ZCCHC14: variants seen among roughly 807,000 people sequenced by gnomAD.
The protein encoded by ZCCHC14 is zinc finger CCHC-type containing 14.
A neutral mutation model predicts 85.0 loss-of-function variants in ZCCHC14; 16 were observed. That is an observed-to-expected ratio of 0.19 (90% CI 0.13 to 0.29). ZCCHC14 has a LOEUF of 0.29. ZCCHC14 is among the 10% of genes least tolerant of loss of function. The probability of loss-of-function intolerance (pLI) is 1.00; values close to 1 mark genes in which losing one functional copy is unlikely to be tolerated. For missense variants in ZCCHC14, 1,303 were observed against 1,443.5 expected (o/e 0.90, Z 1.58); for synonymous variants, 775 against 630.7 (o/e 1.23, Z -3.43).
intron 2 of ZCCHC14, among the ~76,000 whole-genome samples, chr16:87,449,614 G>A (rs1197766452): frequency 2.6e-5 from 4 of 152,040 alleles, no homozygotes; most frequent in African/African-American, 9.7e-5. Context: ...TCTTTAATTT[G>A]CTTTCAAGGT....
At position 87,406,369 on chromosome 16, in the gene ZCCHC14, T is replaced by C. The variant is rs1005820555; in HGVS notation, c.*3911A>G. Reference sequence around the variant, plus strand: ...CATAAAAACCCCAAAAACAGAATACTTGACATTTACAATTCAAAATCAAAT... The same window carrying C: ...CATAAAAACCCCAAAAACAGAATACCTGACATTTACAATTCAAAATCAAAT... On this transcript the variant is annotated 3_prime_UTR_variant, in exon 13 of 13. Coordinates refer to ENST00000671377, the MANE Select transcript of ZCCHC14 (RefSeq NM_015144.3). The C allele has an allele frequency of 1.3e-5, 2 of 152,630 alleles. No individual in the cohort carries two copies. The highest frequency in any genetic ancestry group is 4.8e-5 in the African/African-American group (2 of 41,450). 9.5% of individuals were successfully genotyped at this position (152,630 alleles called of 1,614,324 possible).
In ZCCHC14 at chr16:87,413,004, G is replaced by A. The variant is rs566420606; in HGVS notation, c.1745-28C>T. On this transcript the variant is annotated intron_variant, in intron 11 of 12. Coordinates refer to ENST00000671377, the MANE Select transcript of ZCCHC14 (RefSeq NM_015144.3). ...AGAGAGGGAAACAAGAGTGGTCAGT[G>A]CCATTCCACAGCTGGGCCAGGTCGA... 2.7e-5 allele frequency: 43 copies of A among 1,613,996 alleles called. No homozygotes were observed. In the African/African-American group the frequency reaches 3.1e-4, roughly 12 times the overall value.
rs1912471766 is a variant in ZCCHC14, at chr16:87,485,452, ACTAATTT to A, written c.570+6210_570+6216del. On this transcript the variant is annotated intron_variant, in intron 1 of 12. Transcript: ENST00000671377. ...TGGAGAAAAAAATTACCTTGCTAAA[ACTAATTT>A]CTAAACTGCGTATGTTAAGACTAAA... 2.0e-5 allele frequency among the ~76,000 whole-genome samples: 3 copies of A among 152,298 alleles called. No homozygotes were observed. The South Asian group carries it at 6.2e-4, about 32-fold the overall frequency.
At chr16:87,417,874 C>T in intron 7 of ZCCHC14, 132 bp from the exon 8 acceptor site, 2 of 1,103,124 alleles carry the variant, frequency 1.8e-6, no homozygotes, top group Non-Finnish European at 2.5e-6. Context: ...CACAGGCCAC[C>T]CTGAACTGCC....
chr16:87,419,725 T>G, intron 6 of ZCCHC14, 58 bp downstream of exon 6: 1 of 1,432,726 alleles, frequency 7.0e-7, no homozygotes, highest in Non-Finnish European at 9.3e-7. Flanking sequence ...CATGAGCCAC[T>G]GCGCCCAGCT....
intron 1 of ZCCHC14, among the ~76,000 whole-genome samples, chr16:87,481,537 GGGGGTGGGGGGGGGGA>G (rs1912273626): frequency 3.0e-5 from 1 of 33,054 alleles, no homozygotes; most frequent in African/African-American, 9.6e-5. Context: ...GGGGGGGGGG[GGGGGTGGGGGGGGGGA>G]AGGGTAAGCG....
intron 1 of ZCCHC14, among the ~76,000 whole-genome samples, chr16:87,488,457 A>C (rs8044892): frequency 0.027 from 4,092 of 152,148 alleles, 148 homozygotes; most frequent in East Asian, 0.15. Flanking sequence ...TCTACTTTGT[A>C]CTCCCCCCAC....
At chr16:87,467,318 C>G in intron 1 of ZCCHC14, 2 of 1,585,398 alleles carry the variant, frequency 1.3e-6, no homozygotes, top group Non-Finnish European at 1.7e-6. Context: ...TAACACTGCC[C>G]CAAGCGAAAA....
intron 1 of ZCCHC14, chr16:87,470,560 T>C (rs970601197): frequency 2.9e-4 from 44 of 152,198 alleles, no homozygotes; most frequent in African/African-American, 1.0e-3. Flanking sequence ...CTAATCCCAC[T>C]GGGAGGAGTC....
chr16:87,453,593 C>T lies in ZCCHC14; in HGVS notation c.694+6415G>A, dbSNP rs79176777. Among the ~76,000 whole-genome samples, 1,184 of 152,340 alleles carry T rather than the reference C, an allele frequency of 7.8e-3. 6 individuals carry two copies. The highest frequency in any genetic ancestry group is 0.013 in the Non-Finnish European group (879 of 68,032). On this transcript the variant is annotated intron_variant, in intron 2 of 12. Coordinates refer to ENST00000671377, the MANE Select transcript of ZCCHC14 (RefSeq NM_015144.3). ...CCCAGCCACGGTGGAGGGCCGACTT[C>T]GCACAGCTGGTGCGGTCTAAGGACT...
intron 1 of ZCCHC14, among the ~76,000 whole-genome samples, chr16:87,463,897 G>A (rs907864251): frequency 6.6e-6 from 1 of 152,140 alleles, no homozygotes; most frequent in South Asian, 2.1e-4. Flanking sequence ...ATAACTCACC[G>A]CAGCCTCGAC....
chr16:87,432,981 C>A (rs1909737742), intron 3 of ZCCHC14, 147 bp downstream of exon 3: 1 of 740,240 alleles, frequency 1.4e-6, no homozygotes, highest in Non-Finnish European at 2.1e-6. Context: ...AGACAGCCCA[C>A]CCCGAGCTCA....
chr16:87,412,528 G>C lies in ZCCHC14; in HGVS notation c.2193C>G (p.Thr731=). Residue 731 remains threonine (T), a synonymous_variant, in exon 12 of 13, where the codon ACC becomes ACG. Transcript: ENST00000671377. The part of the protein sequence containing the change: ...MSPTVSFGPR[T]KVVHASTLDR... ...CCAGCGTGGATGCATGCACGACTTT[G>C]GTCCGGGGACCAAAGGAGACTGTGG... is the stretch of plus-strand genomic sequence containing the variant. 1.9e-6 allele frequency: 3 copies of C among 1,614,008 alleles called. No homozygotes were observed. The highest frequency in any genetic ancestry group is 2.5e-6 in the Non-Finnish European group (3 of 1,180,018).
intron 4 of ZCCHC14, among the ~76,000 whole-genome samples, chr16:87,421,741 G>A (rs1352434156): frequency 6.6e-6 from 1 of 152,180 alleles, no homozygotes. Context: ...TCACTGGAGA[G>A]GCCCTGAGGG....
intron 10 of ZCCHC14, 116 bp downstream of exon 10, chr16:87,414,298 G>T: frequency 7.2e-7 from 1 of 1,387,032 alleles, no homozygotes; most frequent in Non-Finnish European, 1.0e-6. Context: ...CTCTGTGTAC[G>T]AGTAACCCAT....
At chr16:87,478,171 A>C (rs1057215735) in intron 1 of ZCCHC14, among the ~76,000 whole-genome samples, 3 of 152,246 alleles carry the variant, frequency 2.0e-5, no homozygotes, top group African/African-American at 7.2e-5. Context: ...CAACCCACAC[A>C]TATAAGTGCT....
Position 87,491,893 on chromosome 16 carries a change from T to C in ZCCHC14, c.346A>G (p.Ile116Val), listed in dbSNP as rs1912790118. Residue 116 changes from isoleucine to valine, a missense_variant, in exon 1 of 13, where the codon ATC (isoleucine) becomes GTC (valine). Around this residue, in one of 7 missense-constraint regions of ZCCHC14, gnomAD observed 19 missense variants for 55.1 expected, o/e 0.34. Transcript: ENST00000671377. This position sits in a 1 kb window ranked among gnomAD's most constrained non-coding sequence, Gnocchi z 5.9. ...YRTLTHIDSIIHNYGLQLNEG... is the reference protein window; with the variant it reads ...YRTLTHIDSIVHNYGLQLNEG... ...TTAAGCTGCAGCCCGTAGTTGTGGATGATGGAGTCGATGTGCGTGAGCGTG... is the reference window on the plus strand; with the variant it reads ...TTAAGCTGCAGCCCGTAGTTGTGGACGATGGAGTCGATGTGCGTGAGCGTG... 6.5e-7 allele frequency: 1 copy of C among 1,536,908 alleles called. No homozygotes were observed. Among genetic ancestry groups the C allele is most frequent in the African/African-American group, 1.4e-5 (1 of 69,154 alleles).
intron 8 of ZCCHC14, among the ~76,000 whole-genome samples, chr16:87,416,514 T>C (rs1158724813): frequency 6.6e-6 from 1 of 152,068 alleles, no homozygotes; most frequent in Non-Finnish European, 1.5e-5. Context: ...TCCCAGCACT[T>C]TGGGAGACCG....
In ZCCHC14 at chr16:87,412,456, G is replaced by A. The variant is rs1363901203; in HGVS notation, c.2265C>T (p.Thr755=). ...TGGGCGTCCCCGTGGCGGCCGTGCT[G>A]GTCTCCACGACCAGGGCCGGTTGCT... ...TAQQPALVVE[T]STAATGTPST... The change falls in exon 12 of 13, where the codon ACC becomes ACT. Residue 755 remains threonine (T), a synonymous_variant. Transcript: ENST00000671377. 1 of 1,613,902 alleles carries A rather than the reference G, an allele frequency of 6.2e-7. No individual in the cohort carries two copies.
Sources: allele counts gnomAD v4.1 joint callset (sites outside exome capture counted in the v4.1 genomes callset), GRCh38; gene constraint gnomAD v4.1.1; regional missense constraint gnomAD v4.1.1; non-coding constraint Gnocchi (gnomAD v3.1); transcripts MANE v1.5; gene names NCBI Gene and HGNC (gene_info 2026-07-23, HGNC 2026-07-21).